The following MAD1L1 variants were observed in gnomAD, a reference collection of about 807,000 sequenced individuals.
The protein encoded by MAD1L1 is mitotic spindle assembly checkpoint protein MAD1.
A neutral mutation model predicts 96.9 loss-of-function variants in MAD1L1; 95 were observed. The observed-to-expected ratio is 0.98, with a 90% CI of 0.83 to 1.16. The LOEUF (loss-of-function observed/expected upper bound fraction) is 1.16. MAD1L1 is among the 50% of genes most tolerant of loss of function. MAD1L1 has a pLI of 0.00. For missense variants in MAD1L1, 1,007 were observed against 954.4 expected (o/e 1.06, Z -0.73); for synonymous variants, 473 against 396.6 (o/e 1.19, Z -2.29).
At chr7:2,222,227 G>A (rs992857193) in intron 5 of MAD1L1, among the ~76,000 whole-genome samples, 1 of 151,884 alleles carries the variant, frequency 6.6e-6, no homozygotes, top group Non-Finnish European at 1.5e-5. Flanking sequence ...CTACAGGTGC[G>A]CACCACCACG....
chr7:2,034,961 G>A (rs1783399827), intron 12 of MAD1L1, among the ~76,000 whole-genome samples: 2 of 152,212 alleles, frequency 1.3e-5, no homozygotes, highest in Non-Finnish European at 2.9e-5. Context: ...TCACACCCAT[G>A]TACTCCGCAG....
Position 2,221,013 on chromosome 7 carries a change from A to G in MAD1L1, c.472-1557T>C, listed in dbSNP as rs764387605. ...ATAATTCCAGAGTAAGGAGCGTGAC[A>G]ATCAGGACCCTGTGACAGGAGAAGG... is the stretch of plus-strand genomic sequence containing the variant. On this transcript the variant is annotated intron_variant, in intron 5 of 18. Coordinates refer to ENST00000265854, the MANE Select transcript of MAD1L1 (RefSeq NM_001013836.2). 1.4e-5 allele frequency: 22 copies of G among 1,612,112 alleles called. No individual in the cohort carries two copies. In the African/African-American group the frequency reaches 2.7e-4, roughly 20 times the overall value.
At chr7:1,978,082 C>T (rs946216430) in intron 15 of MAD1L1, among the ~76,000 whole-genome samples, 9 of 152,256 alleles carry the variant, frequency 5.9e-5, no homozygotes, top group Admixed American at 3.3e-4. Flanking sequence ...CCCCTGCGCC[C>T]GCGTGCCTCC....
At chr7:1,978,134 C>T (rs1390848158) in intron 15 of MAD1L1, among the ~76,000 whole-genome samples, 2 of 152,382 alleles carry the variant, frequency 1.3e-5, no homozygotes, top group East Asian at 3.9e-4. Flanking sequence ...GCCTCTGCTG[C>T]TGGTCCCAGC....
intron 11 of MAD1L1, among the ~76,000 whole-genome samples, chr7:2,123,799 C>T (rs1267106202): frequency 6.6e-6 from 1 of 152,240 alleles, no homozygotes; most frequent in East Asian, 1.9e-4. Context: ...CAATCTGTTC[C>T]TGCTGTGCAA....
intron 11 of MAD1L1, among the ~76,000 whole-genome samples, chr7:2,134,279 T>G (rs1241559172): frequency 6.6e-6 from 1 of 152,198 alleles, no homozygotes; most frequent in Non-Finnish European, 1.5e-5. Context: ...GGGTGTTGAT[T>G]TCAAATTCCC....
chr7:1,885,722 C>T (rs1015035467), intron 18 of MAD1L1, among the ~76,000 whole-genome samples: 7 of 152,210 alleles, frequency 4.6e-5, no homozygotes, highest in East Asian at 1.9e-4. Flanking sequence ...ACTGCTGCCC[C>T]GTGGAGCAGA....
At chr7:1,853,524 G>A (rs1017419015) in intron 18 of MAD1L1, among the ~76,000 whole-genome samples, 7 of 152,158 alleles carry the variant, frequency 4.6e-5, no homozygotes, top group African/African-American at 1.2e-4. Flanking sequence ...GGGCACAGAG[G>A]ACCTTATGCC....
intron 10 of MAD1L1, among the ~76,000 whole-genome samples, chr7:2,186,836 C>G (rs1158719226): frequency 1.3e-5 from 2 of 151,680 alleles, no homozygotes; most frequent in East Asian, 2.0e-4. Context: ...CTCTGTCCCC[C>G]ACGCTGGAGT....
intron 17 of MAD1L1, among the ~76,000 whole-genome samples, chr7:1,903,960 T>C (rs537933538): frequency 1.6e-5 from 2 of 122,768 alleles, no homozygotes; most frequent in Admixed American, 8.9e-5. Flanking sequence ...GAAGACACTC[T>C]TGCGGAACTC....
intron 10 of MAD1L1, among the ~76,000 whole-genome samples, chr7:2,172,990 A>T (rs971324748): frequency 2.6e-5 from 4 of 152,220 alleles, no homozygotes; most frequent in African/African-American, 9.6e-5. Flanking sequence ...TGCCCCTGGC[A>T]TTCCCAGTCG....
intron 16 of MAD1L1, among the ~76,000 whole-genome samples, chr7:1,938,461 C>T (rs1001895781): frequency 6.6e-6 from 1 of 152,130 alleles, no homozygotes; most frequent in Non-Finnish European, 1.5e-5. Flanking sequence ...GAACTTCATC[C>T]ACTGAAACAG....
intron 7 of MAD1L1, 65 bp from the exon 8 acceptor site, chr7:2,216,352 C>A: frequency 1.3e-6 from 2 of 1,532,524 alleles, no homozygotes; most frequent in Non-Finnish European, 1.8e-6. Flanking sequence ...GAGAAAATCA[C>A]ACGCACACGG....
In MAD1L1 at chr7:2,002,262, C is replaced by T. The variant is rs904859655; in HGVS notation, c.1360-141G>A. ...GACCCAGGAGCTGGGAAGTGGGCAGCCAGAGGGTGGGCAGGGGCCAGTGTG... is the reference window on the plus strand; with the variant it reads ...GACCCAGGAGCTGGGAAGTGGGCAGTCAGAGGGTGGGCAGGGGCCAGTGTG... On this transcript the variant is annotated intron_variant, in intron 13 of 18. Transcript: ENST00000265854. 3.4e-4 allele frequency: 267 copies of T among 790,696 alleles called. 1 individual carries two copies. Among genetic ancestry groups the T allele is most frequent in the Admixed American group, 1.0e-3 (49 of 47,722 alleles). 49.0% of individuals were successfully genotyped at this position (790,696 alleles called of 1,614,324 possible).
At chr7:1,830,818 G>A (rs1042635820) in intron 18 of MAD1L1, among the ~76,000 whole-genome samples, 66 of 152,192 alleles carry the variant, frequency 4.3e-4, no homozygotes, top group African/African-American at 1.5e-3. Flanking sequence ...AAGAAAGGCA[G>A]AAAAAGAGGG....
chr7:2,003,122 T>A (rs1403145328), intron 13 of MAD1L1, among the ~76,000 whole-genome samples: 1 of 5,210 alleles, frequency 1.9e-4, no homozygotes, highest in African/African-American at 7.2e-4. Flanking sequence ...TGGTGGGGTG[T>A]GGGATCTGCG....
intron 14 of MAD1L1, among the ~76,000 whole-genome samples, chr7:1,999,194 A>T (rs1781685886): frequency 6.6e-6 from 1 of 152,226 alleles, no homozygotes; most frequent in African/African-American, 2.4e-5. Flanking sequence ...TCCCCTGCAA[A>T]CTACATCAGC....
chr7:1,993,310 G>T (rs1029851484), intron 14 of MAD1L1, among the ~76,000 whole-genome samples: 2 of 152,206 alleles, frequency 1.3e-5, no homozygotes, highest in Non-Finnish European at 2.9e-5. Flanking sequence ...CAGGGCTTCT[G>T]GGGGAGCCAC....
chr7:2,189,551 C>T (rs1791618929), intron 10 of MAD1L1, among the ~76,000 whole-genome samples: 1 of 151,804 alleles, frequency 6.6e-6, no homozygotes, highest in African/African-American at 2.4e-5. Flanking sequence ...CACATAAGGA[C>T]AAATATTTCA....
Sources: gnomAD v4.1 joint callset for allele counts (sites outside exome capture counted in the v4.1 genomes callset) on GRCh38, gnomAD v4.1.1 for gene constraint, MANE v1.5 for transcripts, NCBI Gene and HGNC (gene_info 2026-07-23, HGNC 2026-07-21) for gene names.